KCTD2: variants seen among roughly 807,000 people sequenced by gnomAD.
The protein encoded by KCTD2 is BTB/POZ domain-containing protein KCTD2.
In KCTD2, 18 loss-of-function variants were observed where a neutral mutation model predicts 27.9. The ratio of observed to expected loss-of-function variants is 0.64; its 90% confidence interval spans 0.45 to 0.96. KCTD2 has a LOEUF of 0.96. Among genes scored for constraint, KCTD2 ranks in the 40% least tolerant of loss-of-function variants. The pLI is 0.00. For missense variants in KCTD2, 280 were observed against 348.0 expected (o/e 0.80, Z 1.56); for synonymous variants, 175 against 148.4 (o/e 1.18, Z -1.30).
rs1242378174 is a variant in KCTD2, at chr17:75,065,375, GTGTC to G, written c.*2331_*2334del. ...TGCTTGAAAGCGTTGTGCCCTCTGA[GTGTC>G]TGGCTGATCACATCAGAGAGGTCTG... On this transcript the variant is annotated 3_prime_UTR_variant, in exon 6 of 6. Transcript: ENST00000322444. The G allele has an allele frequency of 2.0e-5, 3 of 152,242 alleles. No homozygotes were observed. The highest frequency in any genetic ancestry group is 2.9e-5 in the Non-Finnish European group (2 of 68,060). 9.4% of individuals were successfully genotyped at this position (152,242 alleles called of 1,614,324 possible).
intron 3 of KCTD2, among the ~76,000 whole-genome samples, chr17:75,037,077 G>A (rs1243542898): frequency 6.6e-6 from 1 of 152,160 alleles, no homozygotes; most frequent in African/African-American, 2.4e-5. Flanking sequence ...AGGTGCGGTG[G>A]CTCACGCCTG....
chr17:75,051,725 A>G (rs190944653), intron 2 of KCTD2, among the ~76,000 whole-genome samples: 5 of 151,944 alleles, frequency 3.3e-5, no homozygotes, highest in Admixed American at 6.6e-5. Context: ...ATATTTGTAT[A>G]TATTTCCCAA....
chr17:75,045,768 CAATT>C (rs2073208698), upstream of KCTD2, among the ~76,000 whole-genome samples: 1 of 152,122 alleles, frequency 6.6e-6, no homozygotes, highest in African/African-American at 2.4e-5. Context: ...GTAGTTAACA[CAATT>C]ATTACAGGGT....
At chr17:75,049,683 ATTAT>A (rs1004443102) in intron 2 of KCTD2, among the ~76,000 whole-genome samples, 2 of 152,224 alleles carry the variant, frequency 1.3e-5, no homozygotes, top group Non-Finnish European at 2.9e-5. Context: ...CTGACATTCA[ATTAT>A]TTATAGTTTT....
chr17:75,052,909 A>C, intron 2 of KCTD2, 105 bp from the exon 3 acceptor site: 1 of 850,404 alleles, frequency 1.2e-6, no homozygotes, highest in Non-Finnish European at 2.0e-6. Context: ...ATAAGTAAAT[A>C]AATAAATAAG....
chr17:75,033,086 TA>T (rs1448524573), intron 1 of KCTD2: 9 of 152,378 alleles, frequency 5.9e-5, no homozygotes, highest in African/African-American at 2.2e-4. Context: ...CTTCTTCTGT[TA>T]AATCCTTCGG....
chr17:75,059,460 A>C (rs777731264), intron 3 of KCTD2, 50 bp from the exon 4 acceptor site: 1 of 1,306,422 alleles, frequency 7.7e-7, no homozygotes, highest in South Asian at 1.5e-5. Context: ...GGGCAGCTGC[A>C]AACTGTGGTG....
intron 3 of KCTD2, among the ~76,000 whole-genome samples, chr17:75,056,235 A>T (rs893192133): frequency 6.6e-6 from 1 of 152,228 alleles, no homozygotes; most frequent in African/African-American, 2.4e-5. Flanking sequence ...GTTGGTTTGC[A>T]GATTACCACT....
At chr17:75,035,094 G>C (rs567612776) in intron 2 of KCTD2, 1 of 152,138 alleles carries the variant, frequency 6.6e-6, no homozygotes, top group African/African-American at 2.4e-5. Flanking sequence ...GGCCTCTCTA[G>C]GAGGTAGCTG....
intron 1 of KCTD2, among the ~76,000 whole-genome samples, chr17:75,047,949 C>A (rs547077735): frequency 2.2e-3 from 339 of 152,278 alleles, no homozygotes; most frequent in Non-Finnish European, 2.0e-3. Context: ...TCAGTCCCCC[C>A]ACTGCCGGTG....
intron 3 of KCTD2, among the ~76,000 whole-genome samples, chr17:75,054,185 T>G (rs1368273634): frequency 6.6e-6 from 1 of 151,674 alleles, no homozygotes; most frequent in Non-Finnish European, 1.5e-5. Context: ...ACCTGGCTAA[T>G]TTTTTGTATT....
chr17:75,035,200 C>T (rs1271571773), intron 2 of KCTD2: 2 of 152,102 alleles, frequency 1.3e-5, no homozygotes, highest in Non-Finnish European at 2.9e-5. Context: ...GTTTTAATCC[C>T]TGCAACTATA....
In KCTD2 at chr17:75,062,743, CAG is replaced by C. The variant is rs1491031741; in HGVS notation, c.763-274_763-273del. Among the ~76,000 whole-genome samples, 424 of 146,092 alleles carry C rather than the reference CAG, an allele frequency of 2.9e-3. 2 individuals carry two copies. The highest frequency in any genetic ancestry group is 4.5e-3 in the Non-Finnish European group (299 of 66,626). On this transcript the variant is annotated intron_variant, in intron 5 of 5. Transcript: ENST00000322444. The stretch of plus-strand genomic sequence containing the variant: ...ACACACACACACACACACACACACA[CAG>C]CTTCTAAATCGTGGATACCAGGTAA...
chr17:75,035,136 G>A (rs991715629), intron 2 of KCTD2: 1 of 152,110 alleles, frequency 6.6e-6, no homozygotes, highest in African/African-American at 2.4e-5. Flanking sequence ...AATGGATAAG[G>A]CGTCTGACTT....
intron 3 of KCTD2, among the ~76,000 whole-genome samples, chr17:75,056,633 C>G (rs1207812992): frequency 6.6e-6 from 1 of 152,166 alleles, no homozygotes; most frequent in Non-Finnish European, 1.5e-5. Flanking sequence ...TTCCATCTGT[C>G]CTTTTTATGT....
chr17:75,063,326 G>T lies in KCTD2; in HGVS notation c.*279G>T. ...ATCTTTACAACAGCAGCTGGGCTGGGTTCCCAGTCGGAGCCTTTCGGGGAT... is the reference window on the plus strand; with the variant it reads ...ATCTTTACAACAGCAGCTGGGCTGGTTTCCCAGTCGGAGCCTTTCGGGGAT... On this transcript the variant is annotated 3_prime_UTR_variant, in exon 6 of 6. Transcript: ENST00000322444. The T allele has an allele frequency of 2.2e-6, 1 of 463,932 alleles. No homozygotes were observed. The highest frequency in any genetic ancestry group is 3.8e-5 in the East Asian group (1 of 26,354). The allele number at this position is 463,932 out of a possible 1,614,324, so 28.7% of individuals were successfully genotyped here. A position where few individuals can be genotyped will look rare whatever the true frequency, so the allele number is the denominator to read the frequency against.
intron 3 of KCTD2, among the ~76,000 whole-genome samples, chr17:75,036,518 C>A (rs982365295): frequency 6.6e-6 from 1 of 152,242 alleles, no homozygotes; most frequent in Non-Finnish European, 1.5e-5. Flanking sequence ...TTCCCACCCA[C>A]GTGCCTTTAG....
chr17:75,058,098 C>A (rs982106239), intron 3 of KCTD2, among the ~76,000 whole-genome samples: 2 of 149,818 alleles, frequency 1.3e-5, no homozygotes, highest in African/African-American at 4.9e-5. Context: ...CCAAGGCGGG[C>A]GGATCACCTG....
upstream of KCTD2, chr17:75,046,788 G>A (rs2073224310): frequency 6.6e-6 from 1 of 152,440 alleles, no homozygotes; most frequent in African/African-American, 2.4e-5. Flanking sequence ...AGCTACACAA[G>A]GGACACTCTG....
Sources: gnomAD v4.1 joint callset for allele counts (sites outside exome capture counted in the v4.1 genomes callset) on GRCh38, gnomAD v4.1.1 for gene constraint, MANE v1.5 for transcripts, NCBI Gene and HGNC (gene_info 2026-07-23, HGNC 2026-07-21) for gene names.